Variants in TBC1D4 observed in about 807,000 individuals in gnomAD.
TBC1D4 encodes the protein TBC1 domain family member 4, also known as TBC (Tre-2, BUB2, CDC16) domain-containing protein.
In TBC1D4, 121 loss-of-function variants were observed where a neutral mutation model predicts 142.5. The ratio of observed to expected loss-of-function variants is 0.85; its 90% CI spans 0.73 to 0.99. The LOEUF is 0.99. Ranked by LOEUF, TBC1D4 falls within the 50% of genes least tolerant of loss-of-function variation. The pLI is 0.00. For missense variants in TBC1D4, 1,475 were observed against 1,606.6 expected, an observed-to-expected ratio of 0.92 and a Z score of 1.40; for synonymous variants, 630 against 628.2, an observed-to-expected ratio of 1.00 and a Z score of -0.04.
chr13:75,395,974 T>G (rs951075998), intron 1 of TBC1D4, among the ~76,000 whole-genome samples: 1 of 152,244 alleles, frequency 6.6e-6, no homozygotes, highest in Admixed American at 6.5e-5. Flanking sequence ...AGGATCAGGT[T>G]GGTTCTGCAA....
chr13:75,413,269 C>G (rs1296779028), intron 1 of TBC1D4, among the ~76,000 whole-genome samples: 2 of 152,060 alleles, frequency 1.3e-5, no homozygotes, highest in African/African-American at 4.8e-5. Context: ...TCAAGCAATT[C>G]TCTTGCCTCA....
rs186651718 is a variant in TBC1D4 at position 75,385,490 on chromosome 13, G to A, written c.499-22883C>T. 1.6e-3 allele frequency among the ~76,000 whole-genome samples: 250 copies of A among 152,330 alleles called. 2 individuals carry two copies. Among genetic ancestry groups the A allele is most frequent in the Middle Eastern group, 3.4e-3 (1 of 294 alleles). On this transcript the variant is annotated intron_variant, in intron 1 of 20. Coordinates refer to ENST00000377636, the MANE Select transcript of TBC1D4 (RefSeq NM_014832.5). ...AGACAGTATTAATCAAATTAAGAGT[G>A]TCACCTGAAAAGCAGGTGCCTGTTC... is the stretch of plus-strand genomic sequence containing the variant.
chr13:75,290,884 C>T (rs985627008), intron 19 of TBC1D4, among the ~76,000 whole-genome samples: 13 of 152,134 alleles, frequency 8.5e-5, no homozygotes, highest in African/African-American at 3.1e-4. Flanking sequence ...AATGGCTGGG[C>T]ACCAGAACAA....
chr13:75,453,574 A>G (rs1008873357), intron 1 of TBC1D4, among the ~76,000 whole-genome samples: 1 of 152,170 alleles, frequency 6.6e-6, no homozygotes, highest in African/African-American at 2.4e-5. Flanking sequence ...TTTTAAAAAG[A>G]TTCTTGGCTG....
Position 75,341,525 on chromosome 13 carries a change from C to T in TBC1D4, c.1471G>A (p.Glu491Lys). 1 of 1,613,950 alleles carries T rather than the reference C, an allele frequency of 6.2e-7. No homozygotes were observed. The highest frequency in any genetic ancestry group is 1.1e-5 in the South Asian group (1 of 91,058). The change falls in exon 6 of 21, where the codon GAG becomes AAG. Residue 491 changes from glutamate to lysine, a missense_variant. Coordinates refer to ENST00000377636, the MANE Select transcript of TBC1D4 (RefSeq NM_014832.5). ...QRHLSSLTDNEQADIFERVQK... is the reference protein window; with the variant it reads ...QRHLSSLTDNKQADIFERVQK... Reference sequence around the variant, plus strand: ...ACTCTTTCAAAGATGTCAGCTTGCTCATTATCTGTCAGTGATGAGAGATGC... The same window carrying T: ...ACTCTTTCAAAGATGTCAGCTTGCTTATTATCTGTCAGTGATGAGAGATGC...
At chr13:75,330,907 C>A (rs138187604) in intron 8 of TBC1D4, among the ~76,000 whole-genome samples, 1 of 152,098 alleles carries the variant, frequency 6.6e-6, no homozygotes, top group South Asian at 2.1e-4. Flanking sequence ...TTATTTTTAG[C>A]GCTACTTACA....
intron 1 of TBC1D4, among the ~76,000 whole-genome samples, chr13:75,411,264 G>A (rs1314497217): frequency 1.3e-5 from 2 of 152,126 alleles, no homozygotes; most frequent in Non-Finnish European, 2.9e-5. Context: ...ATGATATAAT[G>A]TGATGAAATA....
chr13:75,480,740 C>T (rs1431327441), intron 1 of TBC1D4, among the ~76,000 whole-genome samples: 2 of 152,302 alleles, frequency 1.3e-5, no homozygotes, highest in African/African-American at 4.8e-5. Context: ...CCTCCCAGAC[C>T]GGAGACCTGC....
rs1332300064 is a variant in TBC1D4, at chr13:75,312,784, C to T, written c.2337G>A (p.Arg779=). The T allele has an allele frequency of 6.8e-6, 11 of 1,614,048 alleles. No individual in the cohort carries two copies. The highest frequency in any genetic ancestry group is 1.3e-5 in the African/African-American group (1 of 74,908). Residue 779 remains arginine, a synonymous_variant, in exon 13 of 21, where the codon AGG becomes AGA. Transcript: ENST00000377636. ...RISWRQRIFL[R]VASPMNKSPS... is the part of the protein sequence containing the mutation. ...GAGATTTGTTCATGGGAGAAGCAAC[C>T]CTGAGGAAAATGCGCTGCCGCCAGG... is the stretch of plus-strand genomic sequence containing the variant.
intron 1 of TBC1D4, among the ~76,000 whole-genome samples, chr13:75,426,836 G>A (rs1317075009): frequency 6.6e-6 from 1 of 150,788 alleles, no homozygotes; most frequent in Non-Finnish European, 1.5e-5. Flanking sequence ...AAGCCCAGGA[G>A]TTTGAGATCA....
intron 4 of TBC1D4, among the ~76,000 whole-genome samples, chr13:75,355,654 G>A (rs541138202): frequency 6.6e-6 from 1 of 152,096 alleles, no homozygotes; most frequent in Non-Finnish European, 1.5e-5. Context: ...ACTTTTAAAT[G>A]CCAAAGAAGA....
chr13:75,353,432 T>C (rs1881781087), intron 4 of TBC1D4, among the ~76,000 whole-genome samples: 1 of 152,142 alleles, frequency 6.6e-6, no homozygotes, highest in African/African-American at 2.4e-5. Context: ...ACCAAGCACC[T>C]GCTATCCTAG....
chr13:75,450,653 GGAGTTTGTATT>G (rs1887496871), intron 1 of TBC1D4, among the ~76,000 whole-genome samples: 1 of 152,162 alleles, frequency 6.6e-6, no homozygotes, highest in African/African-American at 2.4e-5. Flanking sequence ...CTAAGTGTCT[GGAGTTTGTATT>G]GAGGCTTCCT....
Position 75,315,614 on chromosome 13 carries a change from T to C in TBC1D4, c.2223-2716A>G, listed in dbSNP as rs543678622. 9.9e-5 allele frequency among the ~76,000 whole-genome samples: 15 copies of C among 152,180 alleles called. No homozygotes were observed. The South Asian group carries it at 3.1e-3, about 32-fold the overall frequency. Reference sequence around the variant, plus strand: ...AGTTATTTGCTAAATGCCCAGTTCATAGGTATATTTCTAGCTTGTAGTGTA... The same window carrying C: ...AGTTATTTGCTAAATGCCCAGTTCACAGGTATATTTCTAGCTTGTAGTGTA... On this transcript the variant is annotated intron_variant, in intron 12 of 20. Coordinates refer to ENST00000377636, the MANE Select transcript of TBC1D4 (RefSeq NM_014832.5).
At chr13:75,352,007 T>C (rs1274098183) in intron 4 of TBC1D4, among the ~76,000 whole-genome samples, 8 of 152,218 alleles carry the variant, frequency 5.3e-5, no homozygotes, top group Admixed American at 1.3e-4. Flanking sequence ...TGACAGCTCA[T>C]ATGTCTGAAG....
In TBC1D4 at chr13:75,481,866, C is replaced by T. The variant is rs1292718810; in HGVS notation, c.-99G>A. 7.3e-7 allele frequency: 1 copy of T among 1,371,384 alleles called. No homozygotes were observed. Among genetic ancestry groups the T allele is most frequent in the Non-Finnish European group, 9.4e-7 (1 of 1,069,334 alleles). The allele number at this position is 1,371,384 out of a possible 1,614,324, so 85.0% of individuals were successfully genotyped here. A position where few individuals can be genotyped will look rare whatever the true frequency, so the allele number is the denominator to read the frequency against. On this transcript the variant is annotated 5_prime_UTR_variant, in exon 1 of 21. In the 5' UTR this introduces an upstream ATG that the reference lacks. Transcript: ENST00000377636. ...CGCCGAAACTGTGCCAACTGCCGCA[C>T]CGGGCTCCCGCGCCTGCCTGGGAGC...
chr13:75,335,469 A>C (rs556249149), intron 8 of TBC1D4, among the ~76,000 whole-genome samples: 1 of 152,196 alleles, frequency 6.6e-6, no homozygotes, highest in Non-Finnish European at 1.5e-5. Context: ...CCATTAATTT[A>C]TACTTTTTTC....
chr13:75,352,087 T>C (rs1881650935), intron 4 of TBC1D4, among the ~76,000 whole-genome samples: 1 of 152,198 alleles, frequency 6.6e-6, no homozygotes, highest in South Asian at 2.1e-4. Context: ...GATGAGAAAC[T>C]TTCACAGAGT....
chr13:75,419,555 C>T (rs908882640), intron 1 of TBC1D4, among the ~76,000 whole-genome samples: 3 of 152,158 alleles, frequency 2.0e-5, no homozygotes, highest in Non-Finnish European at 4.4e-5. Context: ...AAATACTCTT[C>T]TAACTCTTCT....
Sources: allele counts gnomAD v4.1 joint callset (sites outside exome capture counted in the v4.1 genomes callset), GRCh38; gene constraint gnomAD v4.1.1; transcripts MANE v1.5; gene names NCBI Gene and HGNC (gene_info 2026-07-23, HGNC 2026-07-21).